Variants in CCDC7 observed in about 807,000 individuals in gnomAD.
The protein encoded by CCDC7 is coiled-coil domain-containing protein 7.
Under a neutral mutation model 196.9 loss-of-function variants are expected in CCDC7, and 183 were observed. The observed-to-expected ratio is 0.93, with a 90% CI of 0.82 to 1.05. The LOEUF (loss-of-function observed/expected upper bound fraction) is 1.05. Among genes scored for constraint, CCDC7 ranks in the 50% least tolerant of loss-of-function variants. The probability of loss-of-function intolerance (pLI) is 0.00; values close to 1 mark genes in which losing one functional copy is unlikely to be tolerated. For missense variants in CCDC7, 1,540 were observed against 1,482.2 expected (o/e 1.04, Z -0.64); for synonymous variants, 525 against 484.6 (o/e 1.08, Z -1.10).
downstream of CCDC7, among the ~76,000 whole-genome samples, chr10:32,881,562 C>T (rs148705134): frequency 6.6e-6 from 1 of 152,250 alleles, no homozygotes; most frequent in Non-Finnish European, 1.5e-5. Flanking sequence ...CAGAGTTTCA[C>T]TGAGACAAAG....
At chr10:32,569,666 G>A (rs2057318920) in intron 15 of CCDC7, among the ~76,000 whole-genome samples, 1 of 152,106 alleles carries the variant, frequency 6.6e-6, no homozygotes, top group African/African-American at 2.4e-5. Context: ...GACCTCAGGT[G>A]ATCCACCTGC....
rs954560096 is a variant in CCDC7 at position 32,646,583 on chromosome 10, T to A, written c.2014+11425T>A. On this transcript the variant is annotated intron_variant, in intron 20 of 41. Coordinates refer to ENST00000639629, the Ensembl canonical transcript of CCDC7. ...AATTAAGTGTATATTTTCATTTTTTTATTTCAACTTTTCTTTCAGATAAAG... is the reference window on the plus strand; with the variant it reads ...AATTAAGTGTATATTTTCATTTTTTAATTTCAACTTTTCTTTCAGATAAAG... 3.3e-5 allele frequency among the ~76,000 whole-genome samples: 5 copies of A among 152,326 alleles called. No individual in the cohort carries two copies. The South Asian group carries it at 1.0e-3, about 32-fold the overall frequency.
chr10:32,706,036 G>A (rs921878238), intron 24 of CCDC7, among the ~76,000 whole-genome samples: 6 of 151,946 alleles, frequency 3.9e-5, no homozygotes, highest in Admixed American at 2.0e-4. Context: ...GCACCACATC[G>A]CACTTATTCC....
At chr10:32,631,949 T>C (rs531197474) in intron 18 of CCDC7, among the ~76,000 whole-genome samples, 6 of 152,182 alleles carry the variant, frequency 3.9e-5, no homozygotes, top group African/African-American at 1.2e-4. Context: ...AGAAATACAA[T>C]TGAGTTTAGT....
intron 9 of CCDC7, among the ~76,000 whole-genome samples, chr10:32,503,985 T>G (rs2044463926): frequency 6.6e-6 from 1 of 151,990 alleles, no homozygotes. Flanking sequence ...TTTTCTTTAC[T>G]GAGGTTATTT....
chr10:32,529,295 C>T (rs548173136), intron 11 of CCDC7, among the ~76,000 whole-genome samples: 1 of 152,308 alleles, frequency 6.6e-6, no homozygotes, highest in East Asian at 1.9e-4. Context: ...GCTGGGACTA[C>T]AGGCATGAGC....
chr10:32,874,045 G>A (rs1283783254), intron 41 of CCDC7, among the ~76,000 whole-genome samples: 1 of 151,198 alleles, frequency 6.6e-6, no homozygotes, highest in Non-Finnish European at 1.5e-5. Context: ...ACCAAATCCT[G>A]TCTCAAAAAG....
intron 13 of CCDC7, among the ~76,000 whole-genome samples, chr10:32,556,066 C>A (rs2054290043): frequency 6.6e-6 from 1 of 152,260 alleles, no homozygotes; most frequent in East Asian, 1.9e-4. Context: ...TTGGCCCCAA[C>A]AAGAATTAGG....
chr10:32,670,066 T>C (rs2073748208), intron 21 of CCDC7, among the ~76,000 whole-genome samples: 1 of 152,142 alleles, frequency 6.6e-6, no homozygotes, highest in South Asian at 2.1e-4. Flanking sequence ...TACTTATTTC[T>C]GGGGTCGGGA....
In CCDC7 at chr10:32,729,320, T is replaced by G; in HGVS notation, c.2780-12T>G. On this transcript the variant is annotated splice_polypyrimidine_tract_variant and intron_variant, in intron 27 of 41. Coordinates refer to ENST00000639629, the Ensembl canonical transcript of CCDC7. ...CAGAAGTTCTATTGCACATCTATTTTTTTCTATTTAGCGTTTCCTTTAGAA... is the reference window on the plus strand; with the variant it reads ...CAGAAGTTCTATTGCACATCTATTTGTTTCTATTTAGCGTTTCCTTTAGAA... The G allele has an allele frequency of 6.5e-7, 1 of 1,549,658 alleles. No individual in the cohort carries two copies. The highest frequency in any genetic ancestry group is 8.7e-7 in the Non-Finnish European group (1 of 1,149,826).
intron 9 of CCDC7, among the ~76,000 whole-genome samples, chr10:32,501,952 C>T (rs1343833760): frequency 1.3e-5 from 2 of 152,200 alleles, no homozygotes; most frequent in Non-Finnish European, 2.9e-5. Context: ...GTCGCCCCTT[C>T]CCCCAGGTGC....
At chr10:32,446,908 C>G (rs138151761), upstream of CCDC7, among the ~76,000 whole-genome samples, 5 of 69,136 alleles carry the variant, frequency 7.2e-5, no homozygotes, top group East Asian at 1.4e-3. Context: ...CTGCCTGCCT[C>G]CCTCCCTCCC....
chr10:32,729,288 G>A, intron 27 of CCDC7, 44 bp from the exon 29 acceptor site: 1 of 1,490,386 alleles, frequency 6.7e-7, no homozygotes, highest in Non-Finnish European at 9.0e-7. Flanking sequence ...TGATTACTTG[G>A]CATATCCAGA....
chr10:32,468,263 G>T (rs1209093291), intron 5 of CCDC7, among the ~76,000 whole-genome samples: 1 of 152,106 alleles, frequency 6.6e-6, no homozygotes, highest in African/African-American at 2.4e-5. Flanking sequence ...TGATTTCTTT[G>T]AGCAGTGTTT....
chr10:32,610,512 G>A (rs898677624), intron 18 of CCDC7, among the ~76,000 whole-genome samples: 1 of 152,078 alleles, frequency 6.6e-6, no homozygotes, highest in Admixed American at 6.6e-5. Flanking sequence ...ATAGTGGCTT[G>A]CTGCACCCAT....
chr10:32,460,845 G>C (rs1175055963), intron 3 of CCDC7, among the ~76,000 whole-genome samples: 1 of 152,146 alleles, frequency 6.6e-6, no homozygotes, highest in East Asian at 1.9e-4. Context: ...ATTTAGTAGG[G>C]TAGCGTGGGG....
intron 33 of CCDC7, among the ~76,000 whole-genome samples, chr10:32,841,864 C>T (rs1264338196): frequency 3.3e-5 from 5 of 152,028 alleles, no homozygotes; most frequent in African/African-American, 1.2e-4. Flanking sequence ...GGAAAGGACA[C>T]CGTATTCAAC....
chr10:32,648,058 A>T (rs537249147), intron 20 of CCDC7, among the ~76,000 whole-genome samples: 2 of 152,204 alleles, frequency 1.3e-5, no homozygotes, highest in East Asian at 3.9e-4. Context: ...TTAGGCAGTT[A>T]TTCTAGCATC....
intron 11 of CCDC7, among the ~76,000 whole-genome samples, chr10:32,528,732 GTA>G (rs2049127237): frequency 7.3e-6 from 1 of 136,958 alleles, no homozygotes; most frequent in East Asian, 2.1e-4. Flanking sequence ...ACGTATTTAC[GTA>G]TATATGTATA....
Sources: gnomAD v4.1 joint callset for allele counts (sites outside exome capture counted in the v4.1 genomes callset) on GRCh38, gnomAD v4.1.1 for gene constraint, MANE v1.5 for transcripts, NCBI Gene and HGNC (gene_info 2026-07-23, HGNC 2026-07-21) for gene names.